UBE2H: variants seen among roughly 807,000 people sequenced by gnomAD.
UBE2H encodes ubiquitin conjugating enzyme E2 H, also known as ubiquitin-conjugating enzyme E2 H.
In UBE2H, 3 loss-of-function variants were observed where a neutral mutation model predicts 29.0. The ratio of observed to expected loss-of-function variants is 0.10; its 90% confidence interval spans 0.05 to 0.27. The LOEUF (loss-of-function observed/expected upper bound fraction) is 0.27. Ranked by LOEUF, UBE2H falls within the 10% of genes least tolerant of loss-of-function variation. The probability of loss-of-function intolerance (pLI) is 1.00; values close to 1 mark genes in which losing one functional copy is unlikely to be tolerated. For synonymous variants in UBE2H, 69 were observed against 82.9 expected (o/e 0.83, Z 0.91); for missense variants, 68 against 228.2 (o/e 0.30, Z 4.52).
intron 1 of UBE2H, among the ~76,000 whole-genome samples, chr7:129,916,021 A>T (rs1351773345): frequency 6.6e-6 from 1 of 152,252 alleles, no homozygotes; most frequent in East Asian, 1.9e-4. Context: ...TTAAAAAGCC[A>T]GAAAAAATCC....
intron 1 of UBE2H, among the ~76,000 whole-genome samples, chr7:129,889,820 C>T (rs966118413): frequency 1.3e-5 from 2 of 151,980 alleles, no homozygotes; most frequent in African/African-American, 2.4e-5. Flanking sequence ...CCAGTCTCCA[C>T]AAAAACAAAA....
At chr7:129,899,132 A>G (rs1305236349) in intron 1 of UBE2H, among the ~76,000 whole-genome samples, 1 of 152,216 alleles carries the variant, frequency 6.6e-6, no homozygotes, top group Non-Finnish European at 1.5e-5. Flanking sequence ...GTGAATAGGA[A>G]GGCTGTTGTC....
At chr7:129,839,366 G>GATT (rs771379550) in intron 5 of UBE2H, 31 bp from the exon 6 acceptor site, 2 of 1,609,584 alleles carry the variant, frequency 1.2e-6, no homozygotes, top group Non-Finnish European at 1.7e-6. Flanking sequence ...GTCACACATG[G>GATT]GAAATGCAAG....
intron 3 of UBE2H, among the ~76,000 whole-genome samples, chr7:129,875,446 G>A (rs1806127631): frequency 2.0e-5 from 3 of 152,056 alleles, no homozygotes; most frequent in South Asian, 4.1e-4. Context: ...TAAAATTTAC[G>A]TATTCTTTTG....
intron 3 of UBE2H, among the ~76,000 whole-genome samples, chr7:129,865,701 A>T (rs1314274080): frequency 6.6e-6 from 1 of 152,264 alleles, no homozygotes; most frequent in African/African-American, 2.4e-5. Flanking sequence ...CAGTTAAGTG[A>T]ATACATTAAG....
chr7:129,911,894 C>T (rs891604744), intron 1 of UBE2H, among the ~76,000 whole-genome samples: 2 of 152,102 alleles, frequency 1.3e-5, no homozygotes, highest in African/African-American at 2.4e-5. Context: ...CCTTCTGCCT[C>T]GGCTTCCCAA....
intron 1 of UBE2H, among the ~76,000 whole-genome samples, chr7:129,924,742 T>C (rs1045018279): frequency 6.6e-6 from 1 of 151,926 alleles, no homozygotes. Context: ...CCTTATTTGA[T>C]AGATAAGGAC....
intron 1 of UBE2H, among the ~76,000 whole-genome samples, chr7:129,932,414 C>T (rs1473290179): frequency 4.6e-5 from 7 of 152,014 alleles, no homozygotes; most frequent in Admixed American, 2.0e-4. Flanking sequence ...TGAGGCACCA[C>T]GCCCAGCCTA....
chr7:129,945,843 C>A (rs1374206043), intron 1 of UBE2H, among the ~76,000 whole-genome samples: 1 of 151,990 alleles, frequency 6.6e-6, no homozygotes, highest in Non-Finnish European at 1.5e-5. Context: ...CAGGTTCAAG[C>A]GAATTGATTC....
chr7:129,867,699 TAAAAAAAAAAAAAAAAAAGAAAACC>T (rs771864956), intron 3 of UBE2H, among the ~76,000 whole-genome samples: 4,683 of 29,610 alleles, frequency 0.16, 209 homozygotes, highest in South Asian at 0.33. Context: ...TAGAGTATAA[TAAAAAAAAAAAAAAAAAAGAAAACC>T]AAAAAAAAAA....
intron 1 of UBE2H, among the ~76,000 whole-genome samples, chr7:129,934,371 C>T (rs1441725397): frequency 4.6e-5 from 7 of 151,912 alleles, no homozygotes; most frequent in African/African-American, 1.4e-4. Flanking sequence ...GGAGTGGTGG[C>T]TCACACCTAT....
chr7:129,845,124 C>G (rs1805490670), intron 5 of UBE2H, among the ~76,000 whole-genome samples: 2 of 152,104 alleles, frequency 1.3e-5, no homozygotes, highest in Non-Finnish European at 2.9e-5. Flanking sequence ...AGTGAGACTC[C>G]CAAATCATAA....
intron 1 of UBE2H, among the ~76,000 whole-genome samples, chr7:129,943,169 G>C (rs1469502338): frequency 6.6e-6 from 1 of 151,748 alleles, no homozygotes; most frequent in Non-Finnish European, 1.5e-5. Flanking sequence ...ATTTCAAAGG[G>C]CCACAAAACA....
chr7:129,908,513 C>T (rs994443952), intron 1 of UBE2H, among the ~76,000 whole-genome samples: 3 of 152,158 alleles, frequency 2.0e-5, no homozygotes, highest in Non-Finnish European at 2.9e-5. Context: ...GTCTTAACAA[C>T]TTTAGTTTCA....
chr7:129,836,413 AAAG>A (rs1468337185), intron 6 of UBE2H, among the ~76,000 whole-genome samples: 2 of 152,322 alleles, frequency 1.3e-5, no homozygotes, highest in East Asian at 3.9e-4. Context: ...GAGGAAGATA[AAAG>A]GAGCTGCTGA....
Position 129,831,922 on chromosome 7 carries a change from T to C in UBE2H, c.*3015A>G, listed in dbSNP as rs1223435062. On this transcript the variant is annotated 3_prime_UTR_variant, in exon 7 of 7. Transcript: ENST00000355621. ...TGTGCTGGTAAAACTCAAGGGAGGA[T>C]CCAAAAACTATGGGCACTAAAAAGG... is the stretch of plus-strand genomic sequence containing the variant. 6.6e-6 allele frequency: 1 copy of C among 152,106 alleles called. No homozygotes were observed. Among genetic ancestry groups the C allele is most frequent in the Non-Finnish European group, 1.5e-5 (1 of 68,056 alleles). The allele number at this position is 152,106 out of a possible 1,614,324, so 9.4% of individuals were successfully genotyped here.
chr7:129,884,696 C>T (rs1806324368), intron 1 of UBE2H, among the ~76,000 whole-genome samples: 1 of 151,710 alleles, frequency 6.6e-6, no homozygotes, highest in Non-Finnish European at 1.5e-5. Flanking sequence ...AGTGATCCTC[C>T]CACCTCTACT....
chr7:129,866,332 G>A (rs570202232), intron 3 of UBE2H, among the ~76,000 whole-genome samples: 27 of 152,300 alleles, frequency 1.8e-4, no homozygotes, highest in African/African-American at 5.8e-4. Flanking sequence ...ACTAAGAAAA[G>A]GTGAAGTGTT....
chr7:129,902,714 A>C (rs759186025), intron 1 of UBE2H, among the ~76,000 whole-genome samples: 19 of 152,188 alleles, frequency 1.2e-4, no homozygotes, highest in Non-Finnish European at 2.5e-4. Context: ...CCATTTTAAC[A>C]AGAGTCCCCA....
Sources: allele counts gnomAD v4.1 joint callset (sites outside exome capture counted in the v4.1 genomes callset), GRCh38; gene constraint gnomAD v4.1.1; transcripts MANE v1.5; gene names NCBI Gene and HGNC (gene_info 2026-07-23, HGNC 2026-07-21).